The following RTN4 variants were observed in gnomAD, a reference collection of about 807,000 sequenced individuals.
RTN4 encodes the protein reticulon-4.
RTN4 carries 32 observed loss-of-function variants against 90.4 expected under a neutral mutation model. The observed-to-expected ratio is 0.35, with a 90% CI of 0.27 to 0.48. The LOEUF (loss-of-function observed/expected upper bound fraction) is 0.48. Ranked by LOEUF, RTN4 falls within the 20% of genes least tolerant of loss-of-function variation. The pLI is 0.99. For missense variants in RTN4, 1,706 were observed against 1,430.2 expected (o/e 1.19, Z -3.11); for synonymous variants, 629 against 552.5 (o/e 1.14, Z -1.94).
chr2:55,049,968 G>A lies in RTN4; in HGVS notation c.333C>T (p.Ser111=). Residue 111 remains serine, a synonymous_variant, in exon 1 of 9, where the codon AGC becomes AGT. Transcript: ENST00000337526. ...GCGCGGGCACGGTCGACGACACCGG[G>A]CTCGGGTCCCAAGACGGCTGCCGCT... is the stretch of plus-strand genomic sequence containing the variant. The part of the protein sequence containing the change: ...APERQPSWDP[S]PVSSTVPAPS... 7 of 1,368,616 alleles carry A rather than the reference G, an allele frequency of 5.1e-6. No homozygotes were observed. The highest frequency in any genetic ancestry group is 5.6e-6 in the Non-Finnish European group (6 of 1,068,570). 84.8% of individuals were successfully genotyped at this position (1,368,616 alleles called of 1,614,324 possible). A position where few individuals can be genotyped will look rare whatever the true frequency, so the allele number is the denominator to read the frequency against.
In RTN4 at chr2:54,982,553, G is replaced by A. The variant is rs199900368; in HGVS notation, c.3322C>T (p.Arg1108Cys). ...HVNCTIKELR[R>C]LFLVDDLVDS... ...ACTAAATCATCAACTAAGAAGAGGC[G>A]CCTGAGTTCCTTTATCGTGCAGTTC... Residue 1108 changes from arginine to cysteine, a missense_variant, in exon 5 of 9, where the codon CGC (arginine) becomes TGC (cysteine). Coordinates refer to ENST00000337526, the MANE Select transcript of RTN4 (RefSeq NM_020532.5). 12 of 1,612,726 alleles carry A rather than the reference G, an allele frequency of 7.4e-6. No individual in the cohort carries two copies. The highest frequency in any genetic ancestry group is 1.6e-4 in the Middle Eastern group (1 of 6,078).
intron 1 of RTN4, among the ~76,000 whole-genome samples, chr2:55,089,584 C>T (rs1175100673): frequency 1.3e-5 from 2 of 152,204 alleles, no homozygotes; most frequent in East Asian, 1.9e-4. Context: ...TAAAATTCAG[C>T]GTTTAAGGGA....
At chr2:55,088,055 C>T (rs1159835905) in intron 1 of RTN4, among the ~76,000 whole-genome samples, 1 of 152,234 alleles carries the variant, frequency 6.6e-6, no homozygotes, top group Admixed American at 6.5e-5. Context: ...TGCCTGACTG[C>T]ATGCAGATGT....
intron 2 of RTN4, among the ~76,000 whole-genome samples, chr2:55,062,228 C>T (rs937679832): frequency 6.6e-6 from 1 of 152,110 alleles, no homozygotes; most frequent in African/African-American, 2.4e-5. Flanking sequence ...TCTCCAAACC[C>T]ACATGAGATC....
At chr2:55,028,266 T>G (rs1212257797) in intron 1 of RTN4, 46 bp from the exon 2 acceptor site, 1 of 1,550,060 alleles carries the variant, frequency 6.5e-7, no homozygotes, top group Non-Finnish European at 8.8e-7. Context: ...AAAGACAGAT[T>G]GAAAGGAGAC....
chr2:55,090,627 G>C (rs1275463546), intron 1 of RTN4, among the ~76,000 whole-genome samples: 1 of 152,170 alleles, frequency 6.6e-6, no homozygotes, highest in African/African-American at 2.4e-5. Context: ...ATGAAATATG[G>C]AGTAGGGCTT....
At chr2:55,108,464 T>C (rs1317247729) in intron 1 of RTN4, among the ~76,000 whole-genome samples, 1 of 151,934 alleles carries the variant, frequency 6.6e-6, no homozygotes, top group Non-Finnish European at 1.5e-5. Flanking sequence ...TCAGGGTGAA[T>C]GATAATATTG....
chr2:55,050,169 G>T lies in RTN4; in HGVS notation c.132C>A (p.Asp44Glu). ...EEEEEEEEEE[D>E]EDEDLEELEV... is the part of the protein sequence containing the mutation. ...CCAGCTCCTCCAGGTCTTCGTCCTC[G>T]TCCTCCTCTTCCTCCTCCTCTTCTT... The change falls in exon 1 of 9, where the codon GAC becomes GAA. Residue 44 changes from aspartate (D) to glutamate (E), a missense_variant. Transcript: ENST00000337526. The surrounding 1 kb of genome is among the most constrained non-coding windows in gnomAD (Gnocchi z 4.6). The T allele has an allele frequency of 6.4e-7, 1 of 1,566,170 alleles. No individual in the cohort carries two copies. The highest frequency in any genetic ancestry group is 8.6e-7 in the Non-Finnish European group (1 of 1,162,718).
intron 1 of RTN4, among the ~76,000 whole-genome samples, chr2:55,038,218 G>T (rs1682821556): frequency 6.6e-6 from 1 of 152,070 alleles, no homozygotes; most frequent in African/African-American, 2.4e-5. Flanking sequence ...ATCCTGGAAG[G>T]AGGCAAAGAT....
At chr2:55,090,799 C>A (rs144278749) in intron 1 of RTN4, among the ~76,000 whole-genome samples, 3 of 152,110 alleles carry the variant, frequency 2.0e-5, no homozygotes, top group African/African-American at 7.2e-5. Flanking sequence ...GCTCCACCCC[C>A]TAAACATGCT....
At chr2:55,047,789 G>C (rs920576992) in intron 1 of RTN4, among the ~76,000 whole-genome samples, 6 of 152,034 alleles carry the variant, frequency 3.9e-5, no homozygotes, top group Non-Finnish European at 2.9e-5. Flanking sequence ...TAACAAACGT[G>C]ATTTTTTTCG....
At chr2:55,078,010 A>G (rs1668634579) in intron 2 of RTN4, among the ~76,000 whole-genome samples, 1 of 151,576 alleles carries the variant, frequency 6.6e-6, no homozygotes, top group Non-Finnish European at 1.5e-5. Flanking sequence ...GACTTTGGGG[A>G]CTCAGGGGAT....
chr2:55,012,004 G>A (rs1405702231), intron 3 of RTN4, among the ~76,000 whole-genome samples: 1 of 152,122 alleles, frequency 6.6e-6, no homozygotes, highest in African/African-American at 2.4e-5. Context: ...AAACTATTTA[G>A]TAAATACAAA....
At chr2:55,070,776 T>G (rs74809462) in intron 2 of RTN4, among the ~76,000 whole-genome samples, 1 of 149,470 alleles carries the variant, frequency 6.7e-6, no homozygotes, top group Non-Finnish European at 1.5e-5. Context: ...GTTGTTTGTT[T>G]TTTTGTTTTT....
chr2:55,026,601 TTTC>T lies in RTN4; in HGVS notation c.1495_1497del (p.Glu499del). On this transcript the variant is annotated inframe_deletion, in exon 3 of 9. Transcript: ENST00000337526. The stretch of plus-strand genomic sequence containing the variant: ...TTCTCTGTTACTATTTGGGCCTTCT[TTTC>T]TTCTATTTTTTTTTCATCGGTCTTA... 1 of 1,612,248 alleles carries T rather than the reference TTTC, an allele frequency of 6.2e-7. No individual in the cohort carries two copies. The highest frequency in any genetic ancestry group is 1.7e-4 in the Middle Eastern group (1 of 6,056).
At chr2:55,068,772 A>AG (rs1668438780) in intron 2 of RTN4, among the ~76,000 whole-genome samples, 2 of 151,724 alleles carry the variant, frequency 1.3e-5, no homozygotes, top group Non-Finnish European at 2.9e-5. Flanking sequence ...GTATGCAGCA[A>AG]CAATGCTTTC....
chr2:55,035,176 G>A (rs546926324), intron 1 of RTN4, among the ~76,000 whole-genome samples: 2 of 152,206 alleles, frequency 1.3e-5, no homozygotes, highest in South Asian at 4.2e-4. Context: ...CTACCAATGA[G>A]CTAAACTGAC....
At position 55,050,359 on chromosome 2, in the gene RTN4, G is replaced by C. The variant is rs200417238; in HGVS notation, c.-59C>G. On this transcript the variant is annotated 5_prime_UTR_variant, in exon 1 of 9. Transcript: ENST00000337526. This position sits in a 1 kb window ranked among gnomAD's most constrained non-coding sequence, Gnocchi z 4.6. ...CCGCCGCCGCCGGGGCCGCGTCTCA[G>C]AGCCGCGGGCGGTTGTGGGGGTTGG... 4.1e-5 allele frequency: 50 copies of C among 1,206,330 alleles called. No homozygotes were observed. The highest frequency in any genetic ancestry group is 4.1e-4 in the Middle Eastern group (2 of 4,862). The allele number at this position is 1,206,330 out of a possible 1,614,324, so 74.7% of individuals were successfully genotyped here.
intron 1 of RTN4, among the ~76,000 whole-genome samples, chr2:55,101,893 T>G (rs1667859595): frequency 6.6e-6 from 1 of 152,082 alleles, no homozygotes; most frequent in African/African-American, 2.4e-5. Context: ...TTTCACAAAA[T>G]CATCACACAC....
Sources: allele counts gnomAD v4.1 joint callset (sites outside exome capture counted in the v4.1 genomes callset), GRCh38; gene constraint gnomAD v4.1.1; non-coding constraint Gnocchi (gnomAD v3.1); transcripts MANE v1.5; gene names NCBI Gene and HGNC (gene_info 2026-07-23, HGNC 2026-07-21).